The following NR0B1 variants were observed in gnomAD, a reference collection of about 807,000 sequenced individuals.
The protein encoded by NR0B1 is DSS-AHC critical region on the X chromosome protein 1.
Under a neutral mutation model 23.0 loss-of-function variants are expected in NR0B1, and 3 were observed. The ratio of observed to expected loss-of-function variants is 0.13; its 90% CI spans 0.06 to 0.34. The LOEUF is 0.34. Ranked by LOEUF, NR0B1 falls within the 10% of genes least tolerant of loss-of-function variation. NR0B1 has a pLI of 1.00. For synonymous variants in NR0B1, 205 were observed against 184.0 expected, an observed-to-expected ratio of 1.11 and a Z score of -0.92; for missense variants, 350 against 402.9, an observed-to-expected ratio of 0.87 and a Z score of 1.12.
rs1926480300 is a variant in NR0B1 at position 30,304,313 on chromosome X, G to A, written c.*266C>T. ...TGAAATTGCTACACTTGTGAAAATA[G>A]CTTATTATACTAGTACCCTGCTATT... On this transcript the variant is annotated 3_prime_UTR_variant, in exon 2 of 2. Coordinates refer to ENST00000378970, the MANE Select transcript of NR0B1 (RefSeq NM_000475.5). The A allele has an allele frequency of 3.6e-6, 1 of 274,626 alleles. No individual in the cohort carries two copies. The allele number at this position is 274,626 out of a possible 1,213,427, so 22.6% of individuals were successfully genotyped here. A position where few individuals can be genotyped will look rare whatever the true frequency, so the allele number is the denominator to read the frequency against.
At position 30,308,301 on chromosome X, in the gene NR0B1, C is replaced by T. The variant is rs747078429; in HGVS notation, c.1063G>A (p.Ala355Thr). ...CACTTGATGGCTTGGACCTGGGAGG[C>T]GGAGGGCACCTTCCTGGCCTCCGCC... ...PPAEARKVPS[A>T]SQVQAIKCFL... The change falls in exon 1 of 2, where the codon GCC becomes ACC. Residue 355 changes from alanine to threonine, a missense_variant. Coordinates refer to ENST00000378970, the MANE Select transcript of NR0B1 (RefSeq NM_000475.5). 7 of 1,210,653 alleles carry T rather than the reference C, an allele frequency of 5.8e-6. No individual in the cohort carries two copies. Among genetic ancestry groups the T allele is most frequent in the Non-Finnish European group, 7.8e-6 (7 of 894,229 alleles).
At chrX:30,305,011 TCTTA>T (rs1392199135) in intron 1 of NR0B1, among the ~76,000 whole-genome samples, 188 bp from the exon 2 acceptor site, 3 of 112,673 alleles carry the variant, frequency 2.7e-5, no homozygotes, top group African/African-American at 6.5e-5. Context: ...CATCATGTGA[TCTTA>T]CTTAATATTT....
intron 1 of NR0B1, among the ~76,000 whole-genome samples, chrX:30,305,473 T>C (rs757680995): frequency 2.7e-4 from 30 of 112,260 alleles, no homozygotes; most frequent in Non-Finnish European, 3.0e-4. Context: ...TTCTAATGAG[T>C]GTTCAAAAAG....
In NR0B1 at chrX:30,304,556, G is replaced by A; in HGVS notation, c.*23C>T. 8.3e-7 allele frequency: 1 copy of A among 1,208,511 alleles called. No individual in the cohort carries two copies. The highest frequency in any genetic ancestry group is 1.7e-5 in the African/African-American group (1 of 57,714). Reference sequence around the variant, plus strand: ...TTCCCTCATGGTGAACTGCACTACTGCACTTGTGTGGCCCACATGACTTTA... The same window carrying A: ...TTCCCTCATGGTGAACTGCACTACTACACTTGTGTGGCCCACATGACTTTA... On this transcript the variant is annotated 3_prime_UTR_variant, in exon 2 of 2. Transcript: ENST00000378970.
At chrX:30,305,375 G>A (rs903223806) in intron 1 of NR0B1, among the ~76,000 whole-genome samples, 1 of 111,793 alleles carries the variant, frequency 8.9e-6, no homozygotes, top group Non-Finnish European at 1.9e-5. Context: ...CTAGAGGCCC[G>A]AATAATTTGA....
In NR0B1 at chrX:30,308,179, A is replaced by G. The variant is rs1381636139; in HGVS notation, c.1168+17T>C. On this transcript the variant is annotated intron_variant, in intron 1 of 1. Coordinates refer to ENST00000378970, the MANE Select transcript of NR0B1 (RefSeq NM_000475.5). ...TGTGAGCTGGGAAAAGCCGGCGCCT[A>G]AGGCCAGTACCCTTACCCGGGTTAA... 2 of 1,191,631 alleles carry G rather than the reference A, an allele frequency of 1.7e-6. No homozygotes were observed. The highest frequency in any genetic ancestry group is 1.7e-5 in the African/African-American group (1 of 57,462).
chrX:30,309,335 C>T lies in NR0B1; in HGVS notation c.29G>A (p.Gly10Asp), dbSNP rs1926606886. MAGENHQWQGSILYNMLMSA... is the reference protein window; with the variant it reads MAGENHQWQDSILYNMLMSA... ...CATAAGCATGTTGTAGAGGATGCTGCCCTGCCACTGGTGGTTCTCGCCCGC... is the reference window on the plus strand; with the variant it reads ...CATAAGCATGTTGTAGAGGATGCTGTCCTGCCACTGGTGGTTCTCGCCCGC... The change falls in exon 1 of 2, where the codon GGC becomes GAC. Residue 10 changes from glycine (G) to aspartate (D), a missense_variant. Physicochemically the swap from Gly to Asp is moderately conservative, Grantham distance 94. Transcript: ENST00000378970. 2.5e-6 allele frequency: 3 copies of T among 1,202,200 alleles called. No individual in the cohort carries two copies. The highest frequency in any genetic ancestry group is 1.7e-5 in the African/African-American group (1 of 57,736).
At chrX:30,304,945 A>C in intron 1 of NR0B1, 122 bp from the exon 2 acceptor site, 1 of 865,746 alleles carries the variant, frequency 1.2e-6, no homozygotes, top group Non-Finnish European at 1.6e-6. Flanking sequence ...CCCGGTTAAA[A>C]GGGTAAAAGG....
chrX:30,307,836 G>T (rs777281647), intron 1 of NR0B1, among the ~76,000 whole-genome samples: 1 of 112,302 alleles, frequency 8.9e-6, no homozygotes, highest in East Asian at 2.8e-4. Flanking sequence ...TCTTCAGTGA[G>T]CAAAAACTTT....
At chrX:30,305,945 GTAA>G (rs759913298) in intron 1 of NR0B1, 6 of 346,967 alleles carry the variant, frequency 1.7e-5, no homozygotes, top group Non-Finnish European at 3.0e-5. Flanking sequence ...AATAATAATG[GTAA>G]TAAGCGAGAG....
At position 30,304,336 on chromosome X, in the gene NR0B1, A is replaced by ATTTTTTTTT; in HGVS notation, c.*234_*242dup. On this transcript the variant is annotated 3_prime_UTR_variant, in exon 2 of 2. Transcript: ENST00000378970. ...TAGCTTATTATACTAGTACCCTGCTATTTTTTTTTTAAAAGATGTACAGAG... is the reference window on the plus strand; with the variant it reads ...TAGCTTATTATACTAGTACCCTGCTATTTTTTTTTTTTTTTTTTTAAAAGATGTACAGAG... 5 of 310,466 alleles carry ATTTTTTTTT rather than the reference A, an allele frequency of 1.6e-5. No individual in the cohort carries two copies. Among genetic ancestry groups the ATTTTTTTTT allele is most frequent in the Non-Finnish European group, 2.3e-5 (4 of 176,811 alleles). The allele number at this position is 310,466 out of a possible 1,213,427, so 25.6% of individuals were successfully genotyped here. A position where few individuals can be genotyped will look rare whatever the true frequency, so the allele number is the denominator to read the frequency against.
In NR0B1 at chrX:30,304,442, A is replaced by T; in HGVS notation, c.*137T>A. On this transcript the variant is annotated 3_prime_UTR_variant, in exon 2 of 2. Transcript: ENST00000378970. ...CTGTCTGGAATAAAATTATTTCTTT[A>T]ATTGAATACAAAAATACTCTGCATG... 1 of 697,045 alleles carries T rather than the reference A, an allele frequency of 1.4e-6. No individual in the cohort carries two copies. Among genetic ancestry groups the T allele is most frequent in the Non-Finnish European group, 2.1e-6 (1 of 473,283 alleles). 57.4% of individuals were successfully genotyped at this position (697,045 alleles called of 1,213,427 possible).
intron 1 of NR0B1, among the ~76,000 whole-genome samples, chrX:30,306,836 G>T (rs969346746): frequency 1.8e-5 from 2 of 111,122 alleles, no homozygotes; most frequent in East Asian, 5.6e-4. Flanking sequence ...CAGACCCTGG[G>T]CCAGAGCTAC....
rs1258224361 is a variant in NR0B1 at position 30,308,630 on chromosome X, G to A, written c.734C>T (p.Pro245Leu). ...CACCTGTGGACTCTTGAGCGCCACC[G>A]GCCGCAGCGCACCAGAGGAGGTGTC... is the stretch of plus-strand genomic sequence containing the variant. ...WWDTSSGALR[P>L]VALKSPQVVC... The change falls in exon 1 of 2, where the codon CCG (proline) becomes CTG (leucine). Residue 245 changes from proline to leucine, a missense_variant. Physicochemically the swap from Pro to Leu is moderately conservative, Grantham distance 98. Coordinates refer to ENST00000378970, the MANE Select transcript of NR0B1 (RefSeq NM_000475.5). 2.5e-6 allele frequency: 3 copies of A among 1,206,844 alleles called. No homozygotes were observed. Among genetic ancestry groups the A allele is most frequent in the Non-Finnish European group, 3.4e-6 (3 of 893,704 alleles).
chrX:30,308,836 G>A lies in NR0B1; in HGVS notation c.528C>T (p.Tyr176=), dbSNP rs767828388. The change falls in exon 1 of 2, where the codon TAC becomes TAT. Residue 176 remains tyrosine, a synonymous_variant. Coordinates refer to ENST00000378970, the MANE Select transcript of NR0B1 (RefSeq NM_000475.5). ...RPGGAWWDRS[Y]FAQRPGGKEA... The stretch of plus-strand genomic sequence containing the variant: ...CTTTACCCCCTGGCCTCTGCGCGAA[G>A]TAGGAGCGGTCCCACCACGCGCCCC... The A allele has an allele frequency of 8.5e-7, 1 of 1,170,779 alleles. No homozygotes were observed. The highest frequency in any genetic ancestry group is 1.9e-5 in the South Asian group (1 of 53,078).
In NR0B1 at chrX:30,309,021, C is replaced by T; in HGVS notation, c.343G>A (p.Val115Met). Residue 115 changes from valine (V) to methionine (M), a missense_variant, in exon 1 of 2, where the codon GTG becomes ATG. Physicochemically the swap from Val to Met is conservative, Grantham distance 21 (BLOSUM62 1). Around this residue, in one of 2 missense-constraint regions of NR0B1, gnomAD observed 298 missense variants for 314.0 expected, o/e 0.95. Coordinates refer to ENST00000378970, the MANE Select transcript of NR0B1 (RefSeq NM_000475.5). ...WGCSCGSDPG[V>M]GRAGLPGGRP... ...CCACCCGGAAGCCCCGCTCTGCCCACCCCGGGATCAGAGCCGCACGAACAG... is the reference window on the plus strand; with the variant it reads ...CCACCCGGAAGCCCCGCTCTGCCCATCCCGGGATCAGAGCCGCACGAACAG... 2 of 1,209,111 alleles carry T rather than the reference C, an allele frequency of 1.7e-6. No individual in the cohort carries two copies. Among genetic ancestry groups the T allele is most frequent in the South Asian group, 1.8e-5 (1 of 56,807 alleles).
chrX:30,308,774 T>C lies in NR0B1; in HGVS notation c.590A>G (p.Tyr197Cys). ...GTCTTCACCGCAAAAGCAGCAGCGG[T>C]ACAGAAGCGCCGTGGCCCGCCCGCC... ...LPGGRATALL[Y>C]RCCFCGEDHP... is the part of the protein sequence containing the mutation. The change falls in exon 1 of 2, where the codon TAC becomes TGC. Residue 197 changes from tyrosine (Y) to cysteine (C), a missense_variant. This residue lies in a region of NR0B1 where 298 missense variants were observed against 314.0 expected (regional missense o/e 0.95). Coordinates refer to ENST00000378970, the MANE Select transcript of NR0B1 (RefSeq NM_000475.5). The C allele has an allele frequency of 8.4e-7, 1 of 1,195,225 alleles. No individual in the cohort carries two copies. The highest frequency in any genetic ancestry group is 1.1e-6 in the Non-Finnish European group (1 of 887,718).
chrX:30,307,387 C>T (rs1346583151), intron 1 of NR0B1, among the ~76,000 whole-genome samples: 1 of 111,175 alleles, frequency 9.0e-6, no homozygotes, highest in Non-Finnish European at 1.9e-5. Flanking sequence ...GAAGACAGGA[C>T]CCTCAGGTGC....
chrX:30,305,926 C>T, intron 1 of NR0B1: 2 of 363,833 alleles, frequency 5.5e-6, no homozygotes, highest in South Asian at 8.4e-5. Flanking sequence ...AACCAGTGTT[C>T]TTTAAAAAAA....
Sources: gnomAD v4.1 joint callset for allele counts (sites outside exome capture counted in the v4.1 genomes callset) on GRCh38, gnomAD v4.1.1 for gene constraint, gnomAD v4.1.1 regional missense constraint, MANE v1.5 for transcripts, NCBI Gene and HGNC (gene_info 2026-07-23, HGNC 2026-07-21) for gene names.